Variants in GADD45GIP1 observed in about 807,000 individuals in gnomAD.
GADD45GIP1 encodes the protein GADD45G interacting protein 1.
In GADD45GIP1, 17 loss-of-function variants were observed where a neutral mutation model predicts 22.1. The observed-to-expected ratio is 0.77, with a 90% CI of 0.53 to 1.15. GADD45GIP1 has a LOEUF of 1.15. GADD45GIP1 is among the 50% of genes most tolerant of loss of function. The pLI, the probability that GADD45GIP1 is intolerant of heterozygous loss-of-function variation, is 0.00. For missense variants in GADD45GIP1, 294 were observed against 314.0 expected, an observed-to-expected ratio of 0.94 and a Z score of 0.48; for synonymous variants, 135 against 138.4, an observed-to-expected ratio of 0.98 and a Z score of 0.17.
Position 12,957,126 on chromosome 19 carries a change from C to A in GADD45GIP1, c.87G>T (p.Pro29=). The change falls in exon 1 of 2, where the codon CCG becomes CCT. Residue 29 remains proline (P), a synonymous_variant. Coordinates refer to ENST00000316939, the MANE Select transcript of GADD45GIP1 (RefSeq NM_052850.4). ...GGGGTCCCGGCCTGCGGCGCGGGGG[C>A]GGCCGCGCCCGGTAGCCACGGGAAC... ...APGSRGYRAR[P]PPRRRPGPRW... 2 of 1,412,548 alleles carry A rather than the reference C, an allele frequency of 1.4e-6. No individual in the cohort carries two copies. Among genetic ancestry groups the A allele is most frequent in the South Asian group, 3.1e-5 (2 of 64,852 alleles). 87.5% of individuals were successfully genotyped at this position (1,412,548 alleles called of 1,614,324 possible). A position where few individuals can be genotyped will look rare whatever the true frequency, so the allele number is the denominator to read the frequency against.
In GADD45GIP1 at chr19:12,953,934, A is replaced by T. The variant is rs1186205563; in HGVS notation, c.*274T>A. 6 of 381,602 alleles carry T rather than the reference A, an allele frequency of 1.6e-5. No individual in the cohort carries two copies. In the East Asian group the frequency reaches 2.3e-4, roughly 15 times the overall value. 23.6% of individuals were successfully genotyped at this position (381,602 alleles called of 1,614,324 possible). On this transcript the variant is annotated 3_prime_UTR_variant, in exon 2 of 2. Coordinates refer to ENST00000316939, the MANE Select transcript of GADD45GIP1 (RefSeq NM_052850.4). ...CCTTGTAATTGGCTAATTACTGGAG[A>T]TGAATGTTGGTAAACAGAAGCCTTC...
rs1276574798 is a variant in GADD45GIP1 at position 12,957,067 on chromosome 19, C to T, written c.146G>A (p.Arg49Gln). 3.2e-6 allele frequency: 5 copies of T among 1,564,762 alleles called. No homozygotes were observed. Among genetic ancestry groups the T allele is most frequent in the Admixed American group, 1.8e-5 (1 of 55,030 alleles). The change falls in exon 1 of 2, where the codon CGG (arginine) becomes CAG (glutamine). Residue 49 changes from arginine (R) to glutamine (Q), a missense_variant. Physicochemically the swap from Arg to Gln is conservative, Grantham distance 43 (BLOSUM62 1). Coordinates refer to ENST00000316939, the MANE Select transcript of GADD45GIP1 (RefSeq NM_052850.4). ...CGCGTAGCGCGGTCCCAGCTGCCAC[C>T]GCGGGGTCAGGAGGTCCTCGGGGTC... ...WPDPEDLLTP[R>Q]WQLGPRYAAK...
rs375773932 is a variant in GADD45GIP1, at chr19:12,957,158, C to T, written c.55G>A (p.Ala19Thr). The change falls in exon 1 of 2, where the codon GCC (alanine) becomes ACC (threonine). Residue 19 changes from alanine to threonine, a missense_variant. Physicochemically the swap from Ala to Thr is moderately conservative, Grantham distance 58. Coordinates refer to ENST00000316939, the MANE Select transcript of GADD45GIP1 (RefSeq NM_052850.4). Reference protein sequence around the residue: ...RSLLGVAATLAPGSRGYRARP... With the variant: ...RSLLGVAATLTPGSRGYRARP... ...GCCCGGTAGCCACGGGAACCCGGGG[C>T]CAGGGTCGCCGCCACACCTAGTAGG... 1.7e-4 allele frequency: 239 copies of T among 1,419,402 alleles called. No homozygotes were observed. Among genetic ancestry groups the T allele is most frequent in the Non-Finnish European group, 2.1e-4 (230 of 1,100,554 alleles). 87.9% of individuals were successfully genotyped at this position (1,419,402 alleles called of 1,614,324 possible).
Position 12,957,133 on chromosome 19 carries a change from G to T in GADD45GIP1, c.80C>A (p.Ala27Glu), listed in dbSNP as rs1971935286. 2 of 1,412,522 alleles carry T rather than the reference G, an allele frequency of 1.4e-6. No individual in the cohort carries two copies. Among genetic ancestry groups the T allele is most frequent in the Non-Finnish European group, 1.8e-6 (2 of 1,096,276 alleles). The allele number at this position is 1,412,522 out of a possible 1,614,324, so 87.5% of individuals were successfully genotyped here. The change falls in exon 1 of 2, where the codon GCG (alanine) becomes GAG (glutamate). Residue 27 changes from alanine to glutamate, a missense_variant. Physicochemically the swap from Ala to Glu is moderately radical, Grantham distance 107. Coordinates refer to ENST00000316939, the MANE Select transcript of GADD45GIP1 (RefSeq NM_052850.4). ...CGGCCTGCGGCGCGGGGGCGGCCGC[G>T]CCCGGTAGCCACGGGAACCCGGGGC... ...TLAPGSRGYR[A>E]RPPPRRRPGP...
In GADD45GIP1 at chr19:12,957,197, G is replaced by T; in HGVS notation, c.16C>A (p.Arg6=). Residue 6 remains arginine (R), a synonymous_variant, in exon 1 of 2, where the codon CGA becomes AGA. Transcript: ENST00000316939. ...ACACCTAGTAGGCTGCGTGCCTGTC[G>T]CACGGACGCCGCCATCTTGGCTGTG... MAASV[R]QARSLLGVAA... 1.4e-6 allele frequency: 2 copies of T among 1,401,038 alleles called. No individual in the cohort carries two copies. The highest frequency in any genetic ancestry group is 1.8e-6 in the Non-Finnish European group (2 of 1,087,676). The allele number at this position is 1,401,038 out of a possible 1,614,324, so 86.8% of individuals were successfully genotyped here.
chr19:12,954,354 A>G lies in GADD45GIP1; in HGVS notation c.523T>C (p.Phe175Leu), dbSNP rs868358618. The change falls in exon 2 of 2, where the codon TTC (phenylalanine) becomes CTC (leucine). Residue 175 changes from phenylalanine to leucine, a missense_variant. Physicochemically the swap from Phe to Leu is conservative, Grantham distance 22 (BLOSUM62 0). Transcript: ENST00000316939. ...TCTAGGTCCTGGAGCAGCTCCTGGA[A>G]GCGGGCACTCCTTGGGTCCACCTGG... is the stretch of plus-strand genomic sequence containing the variant. ...GYQVDPRSAR[F>L]QELLQDLEKK... 20 of 1,614,094 alleles carry G rather than the reference A, an allele frequency of 1.2e-5. No homozygotes were observed. In the Middle Eastern group the frequency reaches 1.2e-3, roughly 93 times the overall value.
intron 1 of GADD45GIP1, among the ~76,000 whole-genome samples, chr19:12,954,874 CCAGGCCCAATTCTAGGCA>C (rs1971904893): frequency 6.6e-6 from 1 of 152,174 alleles, no homozygotes; most frequent in Non-Finnish European, 1.5e-5. Flanking sequence ...TGTACAGAGG[CCAGGCCCAATTCTAGGCA>C]CAGGAGTGAA....
rs1187023848 is a variant in GADD45GIP1, at chr19:12,953,515, C to G, written c.*693G>C. 6.5e-6 allele frequency: 1 copy of G among 153,780 alleles called. No homozygotes were observed. The highest frequency in any genetic ancestry group is 2.4e-5 in the African/African-American group (1 of 41,492). The allele number at this position is 153,780 out of a possible 1,614,324, so 9.5% of individuals were successfully genotyped here. A position where few individuals can be genotyped will look rare whatever the true frequency, so the allele number is the denominator to read the frequency against. On this transcript the variant is annotated 3_prime_UTR_variant, in exon 2 of 2. Transcript: ENST00000316939. ...AGTCCTGAAAGGCCCAAGGCCCCCT[C>G]CCCAGTCTGGCCTTGGCCTCCAGCC...
Position 12,953,305 on chromosome 19 carries a change from G to A in GADD45GIP1, c.*903C>T, listed in dbSNP as rs967550139. On this transcript the variant is annotated 3_prime_UTR_variant, in exon 2 of 2. Coordinates refer to ENST00000316939, the MANE Select transcript of GADD45GIP1 (RefSeq NM_052850.4). ...AGAGAAGCTGGCAGGACTGGGAGGC[G>A]ACAGATGGGCCCCTCTTGGCCTCTG... The A allele has an allele frequency of 6.3e-5, 20 of 318,272 alleles. No homozygotes were observed. The highest frequency in any genetic ancestry group is 3.7e-4 in the African/African-American group (17 of 46,278). 19.7% of individuals were successfully genotyped at this position (318,272 alleles called of 1,614,324 possible). A position where few individuals can be genotyped will look rare whatever the true frequency, so the allele number is the denominator to read the frequency against.
At chr19:12,955,129 G>C (rs769072404) in intron 1 of GADD45GIP1, among the ~76,000 whole-genome samples, 2 of 152,140 alleles carry the variant, frequency 1.3e-5, no homozygotes, top group Non-Finnish European at 2.9e-5. Context: ...CCTAGTGTGT[G>C]TTGCTCCCCT....
chr19:12,957,041 C>G lies in GADD45GIP1; in HGVS notation c.172G>C (p.Ala58Pro), dbSNP rs758692129. 53 of 1,587,042 alleles carry G rather than the reference C, an allele frequency of 3.3e-5. 2 individuals carry two copies. In the South Asian group the frequency reaches 5.9e-4, roughly 18 times the overall value. Residue 58 changes from alanine (A) to proline (P), a missense_variant, in exon 1 of 2, where the codon GCT becomes CCT. Coordinates refer to ENST00000316939, the MANE Select transcript of GADD45GIP1 (RefSeq NM_052850.4). ...PRWQLGPRYA[A>P]KQFARYGAAS... is the part of the protein sequence containing the mutation. The stretch of plus-strand genomic sequence containing the variant: ...GCGCCGTAACGCGCGAACTGCTTAG[C>G]CGCGTAGCGCGGTCCCAGCTGCCAC...
rs577459993 is a variant in GADD45GIP1 at position 12,955,974 on chromosome 19, G to A, written c.350+889C>T. 7.2e-4 allele frequency among the ~76,000 whole-genome samples: 109 copies of A among 152,252 alleles called. 1 individual carries two copies. The Middle Eastern group carries it at 0.017, about 24-fold the overall frequency. On this transcript the variant is annotated intron_variant, in intron 1 of 1. Transcript: ENST00000316939. ...CCTTCCTGCCCTCACCTTTTCCCCA[G>A]CCACACTGGCTTCCTGGCTGTTCTT...
In GADD45GIP1 at chr19:12,956,695, TGACTAAATG is replaced by T. The variant is rs1238474974; in HGVS notation, c.350+159_350+167del. ...CAAACAAACAAAACTTGCTGATGAA[TGACTAAATG>T]GACGTTATTCTGAGTTTGTTTTGCG... On this transcript the variant is annotated intron_variant, in intron 1 of 1. Coordinates refer to ENST00000316939, the MANE Select transcript of GADD45GIP1 (RefSeq NM_052850.4). Among the ~76,000 whole-genome samples the T allele has an allele frequency of 2.6e-5, 4 of 152,330 alleles. No individual in the cohort carries two copies. In the East Asian group the frequency reaches 5.8e-4, roughly 22 times the overall value.
Position 12,954,475 on chromosome 19 carries a change from G to A in GADD45GIP1, c.402C>T (p.Asn134=), listed in dbSNP as rs1254586973. Reference sequence around the variant, plus strand: ...AGTTCTCCCGCTGCTGCTGCTGCCAGTTCACAATCATCTGTGGCATCTTGG... The same window carrying A: ...AGTTCTCCCGCTGCTGCTGCTGCCAATTCACAATCATCTGTGGCATCTTGG... The part of the protein sequence containing the change: ...CMAKMPQMIV[N]WQQQQRENWE... The change falls in exon 2 of 2, where the codon AAC becomes AAT. Residue 134 remains asparagine (N), a synonymous_variant. Coordinates refer to ENST00000316939, the MANE Select transcript of GADD45GIP1 (RefSeq NM_052850.4). The A allele has an allele frequency of 6.2e-7, 1 of 1,614,138 alleles. No homozygotes were observed. Among genetic ancestry groups the A allele is most frequent in the South Asian group, 1.1e-5 (1 of 91,088 alleles).
intron 1 of GADD45GIP1, among the ~76,000 whole-genome samples, chr19:12,954,732 A>G (rs1011213478): frequency 4.6e-5 from 7 of 152,232 alleles, no homozygotes; most frequent in African/African-American, 1.2e-4. Context: ...TCACAAGGGC[A>G]TGTCAAGCCC....
At chr19:12,954,819 G>A (rs920093346) in intron 1 of GADD45GIP1, among the ~76,000 whole-genome samples, 2 of 152,148 alleles carry the variant, frequency 1.3e-5, no homozygotes, top group Non-Finnish European at 2.9e-5. Context: ...CCACTCCCAT[G>A]GATAATTTCA....
In GADD45GIP1 at chr19:12,954,174, C is replaced by T. The variant is rs372587463; in HGVS notation, c.*34G>A. 3.3e-4 allele frequency: 522 copies of T among 1,578,296 alleles called. 2 individuals carry two copies. The highest frequency in any genetic ancestry group is 6.2e-4 in the South Asian group (55 of 88,152). ...ACGCAGATCTCTTCAGGGGTACTGC[C>T]AGGTAGCAGGCTTTATTGGGAAGGG... is the stretch of plus-strand genomic sequence containing the variant. On this transcript the variant is annotated 3_prime_UTR_variant, in exon 2 of 2. Coordinates refer to ENST00000316939, the MANE Select transcript of GADD45GIP1 (RefSeq NM_052850.4).
In GADD45GIP1 at chr19:12,954,216, T is replaced by C. The variant is rs1174297242; in HGVS notation, c.661A>G (p.Ser221Gly). 6.2e-7 allele frequency: 1 copy of C among 1,612,468 alleles called. No individual in the cohort carries two copies. The highest frequency in any genetic ancestry group is 1.1e-5 in the South Asian group (1 of 91,042). The stretch of plus-strand genomic sequence containing the variant: ...TGGGAAGGGACAAAGCCTCAGGAGC[T>C]GGGTGCCCCAGAGGCTGCTGGGTCT... ...AQDPAASGAPSS is the reference protein window; with the variant it reads ...AQDPAASGAPGS Residue 221 changes from serine (S) to glycine (G), a missense_variant, in exon 2 of 2, where the codon AGC (serine) becomes GGC (glycine). Ser to Gly is a moderately conservative substitution (Grantham distance 56). Coordinates refer to ENST00000316939, the MANE Select transcript of GADD45GIP1 (RefSeq NM_052850.4).
At chr19:12,956,761 T>A in intron 1 of GADD45GIP1, 102 bp downstream of exon 1, 2 of 955,658 alleles carry the variant, frequency 2.1e-6, no homozygotes, top group Middle Eastern at 4.4e-4. Flanking sequence ...ATCTACAACA[T>A]GCAGATGCTG....
Sources: allele counts gnomAD v4.1 joint callset (sites outside exome capture counted in the v4.1 genomes callset), GRCh38; gene constraint gnomAD v4.1.1; transcripts MANE v1.5; gene names NCBI Gene and HGNC (gene_info 2026-07-23, HGNC 2026-07-21).